The following RELN variants were observed in gnomAD, a reference collection of about 807,000 sequenced individuals.
The protein encoded by RELN is reelin.
A neutral mutation model predicts 427.6 loss-of-function variants in RELN; 108 were observed. The ratio of observed to expected loss-of-function variants is 0.25; its 90% CI spans 0.22 to 0.30. The LOEUF is 0.30. RELN is among the 10% of genes least tolerant of loss of function. The pLI, the probability that RELN is intolerant of heterozygous loss-of-function variation, is 1.00. For synonymous variants in RELN, 1,524 were observed against 1,513.4 expected, an observed-to-expected ratio of 1.01 and a Z score of -0.16; for missense variants, 3,715 against 4,302.8, an observed-to-expected ratio of 0.86 and a Z score of 3.82.
In RELN at chr7:103,495,513, A is replaced by G. The variant is rs145769756; in HGVS notation, c.9369+210T>C. Among the ~76,000 whole-genome samples, 18 of 152,172 alleles carry G rather than the reference A, an allele frequency of 1.2e-4. No homozygotes were observed. In the East Asian group the frequency reaches 3.1e-3, roughly 26 times the overall value. On this transcript the variant is annotated intron_variant, in intron 57 of 64. Coordinates refer to ENST00000428762, the MANE Select transcript of RELN (RefSeq NM_005045.4). The stretch of plus-strand genomic sequence containing the variant: ...CAGCCTAATAGTTACATTTCTTGCT[A>G]TGTCCCAACATTTTCAGGGATTTTA...
chr7:103,898,424 CTGTT>C (rs1312749921), intron 2 of RELN, among the ~76,000 whole-genome samples: 5 of 151,854 alleles, frequency 3.3e-5, no homozygotes, highest in African/African-American at 1.2e-4. Flanking sequence ...GATATACAAA[CTGTT>C]TGTATTTCCA....
intron 10 of RELN, among the ~76,000 whole-genome samples, chr7:103,694,001 A>G (rs1400654867): frequency 3.3e-5 from 5 of 152,178 alleles, no homozygotes; most frequent in East Asian, 1.9e-4. Flanking sequence ...TGAAAACAAA[A>G]TCAGCTGTTA....
At chr7:103,680,026 T>C (rs1432097800) in intron 11 of RELN, among the ~76,000 whole-genome samples, 3 of 152,134 alleles carry the variant, frequency 2.0e-5, no homozygotes, top group Non-Finnish European at 4.4e-5. Flanking sequence ...GCTTTGCTAA[T>C]AGAATAAACT....
chr7:103,699,648 A>G (rs918137493), intron 9 of RELN, among the ~76,000 whole-genome samples: 1 of 152,166 alleles, frequency 6.6e-6, no homozygotes, highest in Admixed American at 6.5e-5. Context: ...ACTATGATAT[A>G]TAACATACTA....
chr7:103,561,627 A>G lies in RELN; in HGVS notation c.5434T>C (p.Leu1812=), dbSNP rs1206205646. The G allele has an allele frequency of 6.2e-7, 1 of 1,613,948 alleles. No individual in the cohort carries two copies. Among genetic ancestry groups the G allele is most frequent in the Non-Finnish European group, 8.5e-7 (1 of 1,179,914 alleles). Residue 1812 remains leucine, a synonymous_variant, in exon 36 of 65, where the codon TTA becomes CTA. Transcript: ENST00000428762. ...SILKDDFNGN[L]HPDLWPEVYG... Reference sequence around the variant, plus strand: ...ACTTCAGGCCAAAGGTCAGGATGTAAATTCCCATTGAAATCGTCTTTAAGA... The same window carrying G: ...ACTTCAGGCCAAAGGTCAGGATGTAGATTCCCATTGAAATCGTCTTTAAGA...
chr7:103,973,038 T>C (rs1796797685), intron 1 of RELN, among the ~76,000 whole-genome samples: 1 of 152,158 alleles, frequency 6.6e-6, no homozygotes, highest in Non-Finnish European at 1.5e-5. Flanking sequence ...CAGAGAGTAT[T>C]AGAATCCCAA....
chr7:103,742,806 G>A (rs988208255), intron 6 of RELN, among the ~76,000 whole-genome samples: 5 of 152,168 alleles, frequency 3.3e-5, no homozygotes, highest in Admixed American at 1.3e-4. Flanking sequence ...CTGAAGTGAC[G>A]GGGAGAATGG....
In RELN at chr7:103,625,514, A is replaced by AT. The variant is rs528830808; in HGVS notation, c.2702+4425dup. Among the ~76,000 whole-genome samples the AT allele has an allele frequency of 3.7e-4, 56 of 152,326 alleles. No homozygotes were observed. In the South Asian group the frequency reaches 0.011, roughly 31 times the overall value. ...GTTGCTCATTATGTGGACCTTATAT[A>AT]TACCAGTTTTCTTCCTTTCATTGAG... On this transcript the variant is annotated intron_variant, in intron 20 of 64. Transcript: ENST00000428762.
intron 40 of RELN, among the ~76,000 whole-genome samples, chr7:103,551,545 T>C (rs184525728): frequency 2.2e-4 from 33 of 152,272 alleles, no homozygotes; most frequent in African/African-American, 7.7e-4. Flanking sequence ...AAGCAGGAAG[T>C]GGGTAAGGCA....
chr7:103,920,603 TC>T (rs1795596922), intron 1 of RELN, among the ~76,000 whole-genome samples: 1 of 142,542 alleles, frequency 7.0e-6, no homozygotes, highest in Non-Finnish European at 1.5e-5. Context: ...TGAGAGAGTC[TC>T]GCTCTCTTAC....
chr7:103,871,679 G>T (rs1019912118), intron 2 of RELN, among the ~76,000 whole-genome samples: 2 of 152,118 alleles, frequency 1.3e-5, no homozygotes, highest in Non-Finnish European at 2.9e-5. Context: ...GACAACTCTT[G>T]TGGGAAATAT....
At position 103,566,964 on chromosome 7, in the gene RELN, G is replaced by GAAGGAAA. The variant is rs57714347; in HGVS notation, c.4589-206_4589-205insTTTCCTT. Among the ~76,000 whole-genome samples, 114,263 of 151,362 alleles carry GAAGGAAA rather than the reference G, an allele frequency of 0.75. 43,621 individuals are homozygous for GAAGGAAA. The highest frequency in any genetic ancestry group is 0.87 in the African/African-American group (36,003 of 41,318). On this transcript the variant is annotated intron_variant, in intron 31 of 64. Coordinates refer to ENST00000428762, the MANE Select transcript of RELN (RefSeq NM_005045.4). ...TCTAATGCACTGACTCCCAGGAAAT[G>GAAGGAAA]AAATACATAAGCTCTTATAAGACTG... is the stretch of plus-strand genomic sequence containing the variant.
intron 4 of RELN, among the ~76,000 whole-genome samples, chr7:103,770,073 A>C (rs1200502500): frequency 7.9e-6 from 1 of 126,034 alleles, no homozygotes; most frequent in African/African-American, 3.0e-5. Flanking sequence ...AATCTTTTTT[A>C]CTTTATTTAT....
intron 2 of RELN, among the ~76,000 whole-genome samples, chr7:103,853,625 G>T (rs2116470684): frequency 6.6e-6 from 1 of 151,622 alleles, no homozygotes; most frequent in East Asian, 1.9e-4. Context: ...TAATTGAAAA[G>T]AACAGCAAAT....
At chr7:103,607,210 G>A (rs921513960) in intron 22 of RELN, among the ~76,000 whole-genome samples, 10 of 152,052 alleles carry the variant, frequency 6.6e-5, no homozygotes, top group Admixed American at 3.9e-4. Context: ...AAACCTGCAC[G>A]TTGTGCACAT....
intron 11 of RELN, among the ~76,000 whole-genome samples, chr7:103,663,650 C>T (rs1219850361): frequency 1.3e-5 from 2 of 152,218 alleles, no homozygotes; most frequent in Non-Finnish European, 2.9e-5. Flanking sequence ...GCTACTATTG[C>T]TGCCAGGCTT....
At chr7:103,969,832 T>C (rs1168965956) in intron 1 of RELN, among the ~76,000 whole-genome samples, 1 of 152,222 alleles carries the variant, frequency 6.6e-6, no homozygotes, top group Non-Finnish European at 1.5e-5. Context: ...TGTCACTATG[T>C]GACATGCAAT....
chr7:103,548,810 A>T (rs1364279478), intron 41 of RELN, among the ~76,000 whole-genome samples: 1 of 152,142 alleles, frequency 6.6e-6, no homozygotes, highest in Non-Finnish European at 1.5e-5. Context: ...GGCATTACCA[A>T]TGCTGAGCGA....
intron 1 of RELN, among the ~76,000 whole-genome samples, chr7:103,919,282 G>A (rs902507868): frequency 5.3e-5 from 8 of 151,924 alleles, no homozygotes; most frequent in African/African-American, 1.9e-4. Flanking sequence ...ACTGGACACA[G>A]TGTGAATTCT....
Sources: gnomAD v4.1 joint callset for allele counts (sites outside exome capture counted in the v4.1 genomes callset) on GRCh38, gnomAD v4.1.1 for gene constraint, MANE v1.5 for transcripts, NCBI Gene and HGNC (gene_info 2026-07-23, HGNC 2026-07-21) for gene names.